Variants in SMYD3 observed in about 807,000 individuals in gnomAD.
SMYD3 encodes the protein SET and MYND domain containing 3.
Under a neutral mutation model 57.7 loss-of-function variants are expected in SMYD3, and 36 were observed. That is an observed-to-expected ratio of 0.62 (90% CI 0.48 to 0.82). SMYD3 has a LOEUF of 0.82. Among genes scored for constraint, SMYD3 ranks in the 40% least tolerant of loss-of-function variants. SMYD3 has a pLI of 0.00. For synonymous variants in SMYD3, 211 were observed against 195.0 expected (o/e 1.08, Z -0.68); for missense variants, 515 against 538.8 (o/e 0.96, Z 0.44).
At chr1:246,095,001 C>T (rs912283521) in intron 5 of SMYD3, among the ~76,000 whole-genome samples, 21 of 152,250 alleles carry the variant, frequency 1.4e-4, no homozygotes, top group Middle Eastern at 3.4e-3. Context: ...CTCCCAGTGA[C>T]GTCTTGATCC....
chr1:246,505,175 A>G (rs1464187687), intron 1 of SMYD3, among the ~76,000 whole-genome samples: 1 of 152,178 alleles, frequency 6.6e-6, no homozygotes, highest in Non-Finnish European at 1.5e-5. Context: ...GCATTTACTT[A>G]TATCCCTTTT....
In SMYD3 at chr1:246,503,102, C is replaced by T. The variant is rs573128042; in HGVS notation, c.164+3952G>A. On this transcript the variant is annotated intron_variant, in intron 1 of 11. Transcript: ENST00000490107. ...ACCGTCCCCTCAACCCATTTAACAT[C>T]CCCACCCTAACCCTAGAACTTTAGC... is the stretch of plus-strand genomic sequence containing the variant. Among the ~76,000 whole-genome samples the T allele has an allele frequency of 5.3e-5, 8 of 152,296 alleles. No individual in the cohort carries two copies. The East Asian group carries it at 1.5e-3, about 29-fold the overall frequency.
At chr1:246,181,010 T>C (rs569712913) in intron 5 of SMYD3, among the ~76,000 whole-genome samples, 82 of 152,250 alleles carry the variant, frequency 5.4e-4, no homozygotes, top group Non-Finnish European at 1.0e-3. Flanking sequence ...ATTTGTTTCC[T>C]ACAGATAAAG....
At chr1:246,058,324 G>A (rs1313524700) in intron 5 of SMYD3, among the ~76,000 whole-genome samples, 2 of 152,178 alleles carry the variant, frequency 1.3e-5, no homozygotes, top group East Asian at 3.9e-4. Context: ...TTTTGTGTTG[G>A]AGGTGGGGGA....
At chr1:245,884,911 A>G (rs2053002515) in intron 8 of SMYD3, among the ~76,000 whole-genome samples, 1 of 152,034 alleles carries the variant, frequency 6.6e-6, no homozygotes, top group South Asian at 2.1e-4. Context: ...CAACAGCGGC[A>G]ACCCACTCGG....
chr1:245,767,928 G>A (rs905956910), intron 10 of SMYD3, among the ~76,000 whole-genome samples: 3 of 152,142 alleles, frequency 2.0e-5, no homozygotes, highest in Admixed American at 1.3e-4. Context: ...ACAGACCCTA[G>A]AGGCAAAAAT....
At chr1:246,194,418 G>A (rs2148338722) in intron 5 of SMYD3, among the ~76,000 whole-genome samples, 1 of 152,188 alleles carries the variant, frequency 6.6e-6, no homozygotes, top group East Asian at 1.9e-4. Flanking sequence ...ACGGGCATGT[G>A]CCATCATGCC....
chr1:246,249,913 C>A (rs749425183), intron 5 of SMYD3, among the ~76,000 whole-genome samples: 1 of 152,230 alleles, frequency 6.6e-6, no homozygotes, highest in Non-Finnish European at 1.5e-5. Flanking sequence ...CTTCTAAGAG[C>A]AGCTCCCCCA....
chr1:246,427,925 T>G (rs1430207817), intron 1 of SMYD3, among the ~76,000 whole-genome samples: 1 of 152,192 alleles, frequency 6.6e-6, no homozygotes. Flanking sequence ...AAAAGATTCT[T>G]AAATCCTTAA....
intron 5 of SMYD3, among the ~76,000 whole-genome samples, chr1:246,074,259 G>A (rs2060506324): frequency 1.3e-5 from 2 of 151,668 alleles, no homozygotes; most frequent in South Asian, 2.1e-4. Context: ...CCAAAGCATT[G>A]ACTTTGACCA....
intron 5 of SMYD3, among the ~76,000 whole-genome samples, chr1:246,091,283 G>T (rs1043370627): frequency 6.6e-6 from 1 of 152,152 alleles, no homozygotes; most frequent in African/African-American, 2.4e-5. Flanking sequence ...TCTGGCTGGG[G>T]CTACCGCCCA....
chr1:246,215,226 T>A (rs2063147097), intron 5 of SMYD3, among the ~76,000 whole-genome samples: 1 of 152,134 alleles, frequency 6.6e-6, no homozygotes, highest in Admixed American at 6.5e-5. Flanking sequence ...CTTCACTAAA[T>A]ACATCTTTGT....
At chr1:246,180,266 T>C (rs1234256724) in intron 5 of SMYD3, among the ~76,000 whole-genome samples, 2 of 147,318 alleles carry the variant, frequency 1.4e-5, no homozygotes, top group African/African-American at 4.9e-5. Context: ...TCTCTCTATA[T>C]ATATGTGTAT....
chr1:245,925,369 C>A (rs1319127290), intron 7 of SMYD3, among the ~76,000 whole-genome samples: 4 of 152,080 alleles, frequency 2.6e-5, no homozygotes, highest in Non-Finnish European at 5.9e-5. Flanking sequence ...TAGATTTATT[C>A]CTTAATTTAA....
chr1:246,083,908 C>A (rs1418999206), intron 5 of SMYD3, among the ~76,000 whole-genome samples: 2 of 152,086 alleles, frequency 1.3e-5, no homozygotes, highest in Admixed American at 6.6e-5. Context: ...AAATGAAAGA[C>A]TTTATTAGTA....
At chr1:245,959,470 G>T (rs556141782) in intron 5 of SMYD3, among the ~76,000 whole-genome samples, 24 of 152,274 alleles carry the variant, frequency 1.6e-4, no homozygotes, top group African/African-American at 4.3e-4. Context: ...TGTGATTTTT[G>T]GTAGACAGTC....
At chr1:246,032,011 G>A (rs1300707784) in intron 5 of SMYD3, among the ~76,000 whole-genome samples, 1 of 152,008 alleles carries the variant, frequency 6.6e-6, no homozygotes, top group Non-Finnish European at 1.5e-5. Flanking sequence ...TTACACCCTC[G>A]AAGCAACGTG....
chr1:245,995,964 T>C (rs1461017872), intron 5 of SMYD3, among the ~76,000 whole-genome samples: 1 of 152,164 alleles, frequency 6.6e-6, no homozygotes, highest in Non-Finnish European at 1.5e-5. Context: ...CAGCCAGAAA[T>C]TGGGCAGATG....
chr1:246,361,799 C>A (rs745358937), intron 1 of SMYD3, among the ~76,000 whole-genome samples: 1 of 152,024 alleles, frequency 6.6e-6, no homozygotes, highest in African/African-American at 2.4e-5. Flanking sequence ...TCAGGAGAAA[C>A]GTTGGGAAGG....
Sources: gnomAD v4.1 joint callset for allele counts (sites outside exome capture counted in the v4.1 genomes callset) on GRCh38, gnomAD v4.1.1 for gene constraint, MANE v1.5 for transcripts, NCBI Gene and HGNC (gene_info 2026-07-23, HGNC 2026-07-21) for gene names.